PDK2: variants seen among roughly 807,000 people sequenced by gnomAD.
PDK2 encodes the protein pyruvate dehydrogenase kinase 2.
PDK2 carries 34 observed loss-of-function variants against 50.4 expected under a neutral mutation model. The observed-to-expected ratio is 0.68, with a 90% confidence interval of 0.51 to 0.90. The LOEUF is 0.90. Ranked by LOEUF, PDK2 falls within the 40% of genes least tolerant of loss-of-function variation. The probability of loss-of-function intolerance (pLI) is 0.00; values close to 1 mark genes in which losing one functional copy is unlikely to be tolerated. For missense variants in PDK2, 377 were observed against 544.5 expected (o/e 0.69, Z 3.06); for synonymous variants, 232 against 216.0 (o/e 1.07, Z -0.65).
rs1910694742 is a variant in PDK2, at chr17:50,109,287, G to T, written c.970G>T (p.Ala324Ser). The change falls in exon 10 of 11, where the codon GCT becomes TCT. Residue 324 changes from alanine (A) to serine (S), a missense_variant and splice_region_variant. Transcript: ENST00000503176. The surrounding 1 kb of genome is among the most constrained non-coding windows in gnomAD (Gnocchi z 5.0). The part of the protein sequence containing the change: ...PQPGTGGTPL[A>S]GFGYGLPISR... ...TCACTGCCTTCCTGCCCCGCTGCAG[G>T]CTGGCTTTGGTTATGGGCTCCCCAT... 1 of 1,609,424 alleles carries T rather than the reference G, an allele frequency of 6.2e-7. No homozygotes were observed. The highest frequency in any genetic ancestry group is 8.5e-7 in the Non-Finnish European group (1 of 1,176,958).
intron 1 of PDK2, among the ~76,000 whole-genome samples, chr17:50,096,523 C>T (rs11871404): frequency 0.13 from 19,688 of 152,102 alleles, 1,819 homozygotes; most frequent in East Asian, 0.34. Flanking sequence ...GCAGCCGAGA[C>T]ATAAGGCACC....
chr17:50,098,188 G>A (rs979017207), intron 2 of PDK2, among the ~76,000 whole-genome samples: 3 of 152,248 alleles, frequency 2.0e-5, no homozygotes, highest in South Asian at 2.1e-4. Context: ...GGCCAGTCAC[G>A]TGAAGAATAA....
At position 50,097,532 on chromosome 17, in the gene PDK2, G is replaced by A; in HGVS notation, c.228G>A (p.Leu76=). ...TCAACCTGCTTCCCGACCGAGTGCT[G>A]AGCACACCCTCCGTGCAGCTGGTGC... ...KEINLLPDRV[L]STPSVQLVQS... Residue 76 remains leucine (L), a synonymous_variant, in exon 2 of 11, where the codon CTG becomes CTA. Coordinates refer to ENST00000503176, the MANE Select transcript of PDK2 (RefSeq NM_002611.5). The A allele has an allele frequency of 6.2e-7, 1 of 1,613,712 alleles. No individual in the cohort carries two copies. Among genetic ancestry groups the A allele is most frequent in the South Asian group, 1.1e-5 (1 of 91,072 alleles).
chr17:50,096,145 C>T (rs1489590133), intron 1 of PDK2: 1 of 985,628 alleles, frequency 1.0e-6, no homozygotes. Context: ...GAGCTGGACC[C>T]TAGCTGCCCC....
At position 50,110,244 on chromosome 17, in the gene PDK2, A is replaced by G; in HGVS notation, c.*147A>G. 1.2e-6 allele frequency: 1 copy of G among 866,088 alleles called. No homozygotes were observed. Among genetic ancestry groups the G allele is most frequent in the Admixed American group, 2.9e-5 (1 of 34,110 alleles). The allele number at this position is 866,088 out of a possible 1,614,324, so 53.7% of individuals were successfully genotyped here. Reference sequence around the variant, plus strand: ...TCTCTATGGAAGTCACTGCGGTGATAGGTCTGTGATGGTCCCTAAGTGCCA... The same window carrying G: ...TCTCTATGGAAGTCACTGCGGTGATGGGTCTGTGATGGTCCCTAAGTGCCA... On this transcript the variant is annotated 3_prime_UTR_variant, in exon 11 of 11. Coordinates refer to ENST00000503176, the MANE Select transcript of PDK2 (RefSeq NM_002611.5).
chr17:50,095,472 C>T lies in PDK2; in HGVS notation c.37C>T (p.Leu13=). 1 of 1,605,196 alleles carries T rather than the reference C, an allele frequency of 6.2e-7. No individual in the cohort carries two copies. The highest frequency in any genetic ancestry group is 1.1e-5 in the South Asian group (1 of 89,370). Residue 13 remains leucine (L), a synonymous_variant, in exon 1 of 11, where the codon CTG becomes TTG. Transcript: ENST00000503176. ...WVWALLKNAS[L]AGAPKYIEHF... ...GTGGGCGCTGCTGAAGAATGCGTCCCTGGCAGGGGCGCCCAAGTACATAGA... is the reference window on the plus strand; with the variant it reads ...GTGGGCGCTGCTGAAGAATGCGTCCTTGGCAGGGGCGCCCAAGTACATAGA...
Position 50,108,189 on chromosome 17 carries a change from A to G in PDK2, c.719A>G (p.Tyr240Cys), listed in dbSNP as rs750741593. 3.1e-5 allele frequency: 50 copies of G among 1,597,766 alleles called. No homozygotes were observed. The highest frequency in any genetic ancestry group is 4.0e-5 in the Non-Finnish European group (47 of 1,170,928). The change falls in exon 7 of 11, where the codon TAC (tyrosine) becomes TGC (cysteine). Residue 240 changes from tyrosine to cysteine, a missense_variant. Physicochemically the swap from Tyr to Cys is radical, Grantham distance 194. Around this residue, in one of 3 missense-constraint regions of PDK2, gnomAD observed 214 missense variants for 294.0 expected, o/e 0.73. Coordinates refer to ENST00000503176, the MANE Select transcript of PDK2 (RefSeq NM_002611.5). ...TCCAAACAGCCGATTCACATGGTCTACGTCCCCTCCCACCTCTACCACATG... is the reference window on the plus strand; with the variant it reads ...TCCAAACAGCCGATTCACATGGTCTGCGTCCCCTCCCACCTCTACCACATG... Reference protein sequence around the residue: ...ANSKQPIHMVYVPSHLYHMLF... With the variant: ...ANSKQPIHMVCVPSHLYHMLF...
chr17:50,095,231 G>C (rs748839812), upstream of PDK2: 121 of 511,322 alleles, frequency 2.4e-4, no homozygotes, highest in Non-Finnish European at 3.6e-4. Context: ...CCACGTGCCG[G>C]GGCGGAAGGC....
rs1377098582 is a variant in PDK2, at chr17:50,095,473, T to C, written c.38T>C (p.Leu13Pro). The change falls in exon 1 of 11, where the codon CTG becomes CCG. Residue 13 changes from leucine to proline, a missense_variant. Leu to Pro is a moderately conservative substitution (Grantham distance 98). Transcript: ENST00000503176. ...TGGGCGCTGCTGAAGAATGCGTCCC[T>C]GGCAGGGGCGCCCAAGTACATAGAG... The part of the protein sequence containing the change: ...WVWALLKNAS[L>P]AGAPKYIEHF... The C allele has an allele frequency of 6.2e-7, 1 of 1,605,332 alleles. No homozygotes were observed. Among genetic ancestry groups the C allele is most frequent in the Non-Finnish European group, 8.5e-7 (1 of 1,176,480 alleles).
At position 50,097,436 on chromosome 17, in the gene PDK2, C is replaced by T. The variant is rs1910007520; in HGVS notation, c.132C>T (p.Ala44=). The change falls in exon 2 of 11, where the codon GCC becomes GCT. Residue 44 remains alanine (A), a synonymous_variant. Transcript: ENST00000503176. ...TTCTCCTGCCAGGATCCAGCAATGC[C>T]TGTGAGAAAACCTCCTTCACCTTCC... ...KQFLDFGSSN[A]CEKTSFTFLR... The T allele has an allele frequency of 6.2e-7, 1 of 1,613,758 alleles. No individual in the cohort carries two copies. Among genetic ancestry groups the T allele is most frequent in the Non-Finnish European group, 8.5e-7 (1 of 1,180,006 alleles).
chr17:50,107,259 G>A (rs1910566072), intron 6 of PDK2, 106 bp downstream of exon 6: 2 of 811,614 alleles, frequency 2.5e-6, no homozygotes, highest in African/African-American at 3.4e-5. Context: ...CAGGGGAGAA[G>A]CAGAGTTATT....
intron 1 of PDK2, 114 bp downstream of exon 1, chr17:50,095,667 G>A: frequency 6.7e-7 from 1 of 1,483,220 alleles, no homozygotes; most frequent in South Asian, 1.3e-5. Context: ...GAGAAGGGTT[G>A]TTTGGAAAGG....
chr17:50,099,711 T>C (rs1030849654), intron 2 of PDK2, among the ~76,000 whole-genome samples: 2 of 152,240 alleles, frequency 1.3e-5, no homozygotes, highest in Non-Finnish European at 2.9e-5. Context: ...GAGAATGGCG[T>C]GAACCCGGGA....
At position 50,106,602 on chromosome 17, in the gene PDK2, G is replaced by C. The variant is rs539670200; in HGVS notation, c.518-192G>C. 2.8e-5 allele frequency: 17 copies of C among 604,036 alleles called. No individual in the cohort carries two copies. The East Asian group carries it at 4.4e-4, about 16-fold the overall frequency. The allele number at this position is 604,036 out of a possible 1,614,324, so 37.4% of individuals were successfully genotyped here. Reference sequence around the variant, plus strand: ...TTCAGGTTTGCAAAGGTTTAAAAACGGCCTAAGCCAGGGCTGGAGGGGTCA... The same window carrying C: ...TTCAGGTTTGCAAAGGTTTAAAAACCGCCTAAGCCAGGGCTGGAGGGGTCA... On this transcript the variant is annotated intron_variant, in intron 4 of 10. Coordinates refer to ENST00000503176, the MANE Select transcript of PDK2 (RefSeq NM_002611.5).
At chr17:50,097,329 C>A in intron 1 of PDK2, 94 bp from the exon 2 acceptor site, 4 of 1,321,620 alleles carry the variant, frequency 3.0e-6, no homozygotes, top group Non-Finnish European at 4.2e-6. Flanking sequence ...CTCTCTGAGC[C>A]CCCTGTTAAT....
chr17:50,108,028 G>A, intron 6 of PDK2, 128 bp from the exon 7 acceptor site: 1 of 718,510 alleles, frequency 1.4e-6, no homozygotes, highest in Admixed American at 2.3e-5. Context: ...GGGAGGCTGG[G>A]GATTTAGTCT....
At chr17:50,102,469 G>C (rs1910286979) in intron 2 of PDK2, among the ~76,000 whole-genome samples, 1 of 151,812 alleles carries the variant, frequency 6.6e-6, no homozygotes, top group Non-Finnish European at 1.5e-5. Context: ...GCCCAGCACA[G>C]TCAGGAAGTG....
At chr17:50,106,119 T>TG in intron 4 of PDK2, 50 bp downstream of exon 4, 5 of 1,553,448 alleles carry the variant, frequency 3.2e-6, no homozygotes, top group Non-Finnish European at 3.5e-6. Flanking sequence ...GGGGCGGTGC[T>TG]GGGGCCCAGG....
At chr17:50,099,949 C>T (rs1910138151) in intron 2 of PDK2, among the ~76,000 whole-genome samples, 1 of 152,224 alleles carries the variant, frequency 6.6e-6, no homozygotes, top group African/African-American at 2.4e-5. Flanking sequence ...ACAAGAAGGA[C>T]TTCCCGACAG....
Sources: gnomAD v4.1 joint callset for allele counts (sites outside exome capture counted in the v4.1 genomes callset) on GRCh38, gnomAD v4.1.1 for gene constraint, gnomAD v4.1.1 regional missense constraint, Gnocchi (gnomAD v3.1) non-coding constraint, MANE v1.5 for transcripts, NCBI Gene and HGNC (gene_info 2026-07-23, HGNC 2026-07-21) for gene names.